The following DLGAP2 variants were observed in gnomAD, a reference collection of about 807,000 sequenced individuals.
DLGAP2 encodes DLG associated protein 2.
Under a neutral mutation model 100.3 loss-of-function variants are expected in DLGAP2, and 26 were observed. The observed-to-expected ratio is 0.26, with a 90% confidence interval of 0.19 to 0.36. DLGAP2 has a LOEUF of 0.36. Ranked by LOEUF, DLGAP2 falls within the 10% of genes least tolerant of loss-of-function variation. DLGAP2 has a pLI of 1.00. For synonymous variants in DLGAP2, 886 were observed against 630.1 expected, an observed-to-expected ratio of 1.41 and a Z score of -6.08; for missense variants, 1,858 against 1,453.2, an observed-to-expected ratio of 1.28 and a Z score of -4.53.
At chr8:1,297,555 T>A (rs1440172849) in intron 3 of DLGAP2, among the ~76,000 whole-genome samples, 1 of 107,496 alleles carries the variant, frequency 9.3e-6, no homozygotes. Flanking sequence ...GTGGCAGGCA[T>A]GAACAGACAC....
intron 8 of DLGAP2, among the ~76,000 whole-genome samples, chr8:1,651,163 C>T (rs9644312): frequency 0.36 from 54,229 of 152,044 alleles, 9,657 homozygotes; most frequent in Middle Eastern, 0.39. Context: ...AACACTCAGA[C>T]ACCGTATTTC....
At chr8:1,091,795 C>T (rs1312949404) in intron 2 of DLGAP2, among the ~76,000 whole-genome samples, 1 of 151,872 alleles carries the variant, frequency 6.6e-6, no homozygotes, top group African/African-American at 2.4e-5. Flanking sequence ...TCTCCCCACT[C>T]CTACCCCTCC....
chr8:1,171,492 C>G (rs374227509), intron 2 of DLGAP2, among the ~76,000 whole-genome samples: 1 of 151,796 alleles, frequency 6.6e-6, no homozygotes, highest in Non-Finnish European at 1.5e-5. Context: ...GTATTAAAGT[C>G]TCCCATTATT....
intron 3 of DLGAP2, among the ~76,000 whole-genome samples, chr8:1,289,014 A>G (rs1469186570): frequency 6.6e-6 from 1 of 152,234 alleles, no homozygotes; most frequent in Non-Finnish European, 1.5e-5. Context: ...AAGGAAAACA[A>G]AAATCCCTTT....
chr8:1,206,942 AG>A (rs1211574385), intron 2 of DLGAP2, among the ~76,000 whole-genome samples: 6 of 151,756 alleles, frequency 4.0e-5, no homozygotes, highest in African/African-American at 1.5e-4. Flanking sequence ...CATCCATCTC[AG>A]TGCTGAGTGG....
chr8:964,199 A>T (rs751295906), intron 2 of DLGAP2, among the ~76,000 whole-genome samples: 1 of 152,152 alleles, frequency 6.6e-6, no homozygotes, highest in Non-Finnish European at 1.5e-5. Flanking sequence ...AACCTATCTG[A>T]CGTCTTCAGG....
chr8:1,157,717 C>T (rs1451686721), intron 2 of DLGAP2, among the ~76,000 whole-genome samples: 2 of 152,188 alleles, frequency 1.3e-5, no homozygotes, highest in African/African-American at 4.8e-5. Context: ...TAACACATGG[C>T]ACCATGACAA....
chr8:1,028,003 G>A (rs1317136989), intron 2 of DLGAP2, among the ~76,000 whole-genome samples: 1 of 144,488 alleles, frequency 6.9e-6, no homozygotes, highest in Non-Finnish European at 1.5e-5. Context: ...TATTCTCCAG[G>A]AGCAGTGCCA....
chr8:1,029,211 C>T (rs1052564625), intron 2 of DLGAP2, among the ~76,000 whole-genome samples: 1 of 152,146 alleles, frequency 6.6e-6, no homozygotes, highest in Non-Finnish European at 1.5e-5. Context: ...ACAGAGCCTG[C>T]ACTGGAACCG....
chr8:1,137,006 C>T lies in DLGAP2; in HGVS notation c.74-121845C>T, dbSNP rs890492798. ...AGATGGTGCCCAGCCACTGTGCTAG[C>T]TCAGGCCATGATCCCAGAATGGCTC... is the stretch of plus-strand genomic sequence containing the variant. On this transcript the variant is annotated intron_variant, in intron 2 of 14. Transcript: ENST00000637795. 9.8e-5 allele frequency among the ~76,000 whole-genome samples: 15 copies of T among 152,338 alleles called. No individual in the cohort carries two copies. In the East Asian group the frequency reaches 2.9e-3, roughly 29 times the overall value.
rs528437219 is a variant in DLGAP2, at chr8:977,333, T to G, written c.73+69367T>G. On this transcript the variant is annotated intron_variant, in intron 2 of 14. Transcript: ENST00000637795. The stretch of plus-strand genomic sequence containing the variant: ...GCACCTCCCATGTTCTTCTGACAGC[T>G]GAGGTGGACACATGCCTTTGGTCAG... Among the ~76,000 whole-genome samples the G allele has an allele frequency of 1.6e-4, 25 of 152,352 alleles. No individual in the cohort carries two copies. In the South Asian group the frequency reaches 4.1e-3, roughly 25 times the overall value.
chr8:961,300 A>C (rs1271588084), intron 2 of DLGAP2, among the ~76,000 whole-genome samples: 1 of 148,722 alleles, frequency 6.7e-6, no homozygotes, highest in Admixed American at 6.7e-5. Context: ...TGTGCTCAGG[A>C]AAATGAGTTC....
At chr8:913,848 C>CT (rs1798538339) in intron 2 of DLGAP2, among the ~76,000 whole-genome samples, 1 of 152,316 alleles carries the variant, frequency 6.6e-6, no homozygotes, top group East Asian at 1.9e-4. Context: ...CAGAACAGCA[C>CT]GGTGTGGACC....
intron 2 of DLGAP2, among the ~76,000 whole-genome samples, chr8:1,089,299 A>G (rs906156157): frequency 6.6e-6 from 1 of 152,264 alleles, no homozygotes; most frequent in Non-Finnish European, 1.5e-5. Context: ...ATTGGTCTGT[A>G]TATGTCGGCC....
At chr8:1,200,876 G>C (rs1439348467) in intron 2 of DLGAP2, among the ~76,000 whole-genome samples, 1 of 152,212 alleles carries the variant, frequency 6.6e-6, no homozygotes, top group Non-Finnish European at 1.5e-5. Context: ...CGATGCGTCC[G>C]CTGCTGGCTC....
chr8:1,222,514 C>T (rs79068623), intron 2 of DLGAP2, among the ~76,000 whole-genome samples: 5,768 of 151,988 alleles, frequency 0.038, 188 homozygotes, highest in African/African-American at 0.086. Flanking sequence ...GGCTGCTAGC[C>T]AAAGTGCTCT....
intron 8 of DLGAP2, among the ~76,000 whole-genome samples, chr8:1,641,903 T>TCCAACC (rs1325647986): frequency 4.7e-5 from 6 of 128,052 alleles, no homozygotes; most frequent in African/African-American, 9.5e-5. Context: ...TGTGTCACCC[T>TCCAACC]CGACCCCGCC....
chr8:1,360,298 G>A (rs1195347646), intron 3 of DLGAP2, among the ~76,000 whole-genome samples: 2 of 61,846 alleles, frequency 3.2e-5, no homozygotes, highest in African/African-American at 5.0e-5. Flanking sequence ...GCTTCTCCGG[G>A]GCGGGGCTTC....
At chr8:1,186,311 A>G (rs1342400307) in intron 2 of DLGAP2, among the ~76,000 whole-genome samples, 3 of 152,236 alleles carry the variant, frequency 2.0e-5, no homozygotes, top group Admixed American at 6.5e-5. Context: ...CTCACCATTA[A>G]GGCAGTTCAT....
Sources: allele counts gnomAD v4.1 joint callset (sites outside exome capture counted in the v4.1 genomes callset), GRCh38; gene constraint gnomAD v4.1.1; transcripts MANE v1.5; gene names NCBI Gene and HGNC (gene_info 2026-07-23, HGNC 2026-07-21).